SNX13: variants seen among roughly 807,000 people sequenced by gnomAD.
SNX13 encodes the protein sorting nexin-13.
SNX13 carries 45 observed loss-of-function variants against 133.6 expected under a neutral mutation model. That is an observed-to-expected ratio of 0.34 (90% confidence interval 0.27 to 0.43). The LOEUF (loss-of-function observed/expected upper bound fraction) is 0.43, where lower values mean the gene tolerates loss of function less well. Ranked by LOEUF, SNX13 falls within the 20% of genes least tolerant of loss-of-function variation. The pLI, the probability that SNX13 is intolerant of heterozygous loss-of-function variation, is 1.00. For missense variants in SNX13, 1,032 were observed against 1,145.1 expected (o/e 0.90, Z 1.43); for synonymous variants, 414 against 373.9 (o/e 1.11, Z -1.24).
In SNX13 at chr7:17,805,250, T is replaced by TGTGTGTGCGCGCGCGCGC; in HGVS notation, c.2065-1671_2065-1670insGCGCGCGCGCGCACACAC. ...GTGTGTGTGTGTGTGTGTGTGTGTG[T>TGTGTGTGCGCGCGCGCGC]GCGTGCGCGCGCGCGCATGCATGCA... On this transcript the variant is annotated intron_variant, in intron 20 of 25. Transcript: ENST00000428135. Among the ~76,000 whole-genome samples, 14 of 95,544 alleles carry TGTGTGTGCGCGCGCGCGC rather than the reference T, an allele frequency of 1.5e-4. 1 individual carries two copies. Among genetic ancestry groups the TGTGTGTGCGCGCGCGCGC allele is most frequent in the Non-Finnish European group, 2.5e-4 (10 of 39,432 alleles). The allele number at this position is 95,544 out of a possible 152,430, so 62.7% of individuals were successfully genotyped here.
chr7:17,905,725 CT>C (rs1411685328), intron 1 of SNX13, among the ~76,000 whole-genome samples: 1 of 152,202 alleles, frequency 6.6e-6, no homozygotes, highest in Non-Finnish European at 1.5e-5. Context: ...CTCTTTAAAA[CT>C]CTTGATTCAA....
At chr7:17,829,969 T>C (rs1302594611) in intron 16 of SNX13, 41 bp downstream of exon 16, 6 of 1,406,932 alleles carry the variant, frequency 4.3e-6, no homozygotes, top group South Asian at 4.1e-5. Context: ...TTTTACATTA[T>C]TTTCAAGTCA....
At chr7:17,830,701 C>CT (rs1788393163) in intron 15 of SNX13, 1 of 979,586 alleles carries the variant, frequency 1.0e-6, no homozygotes, top group South Asian at 4.7e-5. Context: ...AAACAACAAT[C>CT]TTTTCCCTTA....
intron 1 of SNX13, among the ~76,000 whole-genome samples, chr7:17,912,289 T>G (rs570593323): frequency 6.6e-6 from 1 of 152,162 alleles, no homozygotes; most frequent in East Asian, 1.9e-4. Flanking sequence ...ACCCAGGCCA[T>G]GGGAGAGCGC....
intron 1 of SNX13, among the ~76,000 whole-genome samples, chr7:17,923,712 T>C (rs951830528): frequency 1.4e-4 from 22 of 152,098 alleles, no homozygotes; most frequent in Non-Finnish European, 7.4e-5. Flanking sequence ...GTTTCTACTT[T>C]TGGGAGTCCT....
At chr7:17,935,036 C>T (rs531026026) in intron 1 of SNX13, among the ~76,000 whole-genome samples, 14 of 152,158 alleles carry the variant, frequency 9.2e-5, no homozygotes, top group East Asian at 1.9e-4. Flanking sequence ...TTCCAAAAAA[C>T]GGAACTCAAT....
At chr7:17,913,683 C>CA (rs1799239125) in intron 1 of SNX13, among the ~76,000 whole-genome samples, 1 of 148,486 alleles carries the variant, frequency 6.7e-6, no homozygotes, top group Non-Finnish European at 1.5e-5. Context: ...AAGCAACATA[C>CA]GTCAGTCATA....
chr7:17,886,299 G>C (rs887528458), intron 5 of SNX13, among the ~76,000 whole-genome samples: 3 of 152,170 alleles, frequency 2.0e-5, no homozygotes, highest in Non-Finnish European at 4.4e-5. Context: ...GGGGGGCACA[G>C]TGACTCACGC....
chr7:17,798,300 G>A (rs1784273661), intron 24 of SNX13, among the ~76,000 whole-genome samples: 1 of 151,772 alleles, frequency 6.6e-6, no homozygotes, highest in Admixed American at 6.6e-5. Context: ...CATAGCCAGA[G>A]AGACTTACTT....
intron 5 of SNX13, chr7:17,882,904 T>C (rs1213363326): frequency 2.0e-5 from 24 of 1,182,324 alleles, no homozygotes; most frequent in African/African-American, 6.4e-5. Context: ...TGAGCCGAGA[T>C]TGCGCCATTG....
chr7:17,920,660 T>G (rs1419557004), intron 1 of SNX13, among the ~76,000 whole-genome samples: 1 of 152,186 alleles, frequency 6.6e-6, no homozygotes, highest in Non-Finnish European at 1.5e-5. Flanking sequence ...AATTATAAAT[T>G]TCCAGCCCCA....
intron 2 of SNX13, among the ~76,000 whole-genome samples, chr7:17,896,221 T>C (rs921940041): frequency 3.9e-5 from 6 of 152,210 alleles, no homozygotes; most frequent in Admixed American, 1.3e-4. Context: ...ATTATCAGAC[T>C]CTTATGGCTG....
chr7:17,838,848 C>T (rs1789489376), intron 13 of SNX13, among the ~76,000 whole-genome samples: 1 of 151,476 alleles, frequency 6.6e-6, no homozygotes, highest in East Asian at 1.9e-4. Flanking sequence ...CTTTTATGGC[C>T]TTGCAAATGA....
intron 11 of SNX13, among the ~76,000 whole-genome samples, chr7:17,847,677 C>G (rs1046640342): frequency 2.0e-5 from 3 of 152,160 alleles, no homozygotes; most frequent in African/African-American, 7.2e-5. Flanking sequence ...TCCTTTAGGG[C>G]AAAACTTCTC....
rs147510609 is a variant in SNX13 at position 17,841,311 on chromosome 7, CA to C, written c.1166-1312del. Among the ~76,000 whole-genome samples the C allele has an allele frequency of 9.6e-3, 1,461 of 152,082 alleles. 9 individuals carry two copies. Among genetic ancestry groups the C allele is most frequent in the Non-Finnish European group, 0.015 (1,021 of 67,952 alleles). ...GGGAGCCATGCATTAAAAATGAGGACATTCAAAAGCAACCACATATGTGGGA... is the reference window on the plus strand; with the variant it reads ...GGGAGCCATGCATTAAAAATGAGGACTTCAAAAGCAACCACATATGTGGGA... On this transcript the variant is annotated intron_variant, in intron 12 of 25. Transcript: ENST00000428135.
chr7:17,877,549 G>C (rs1794863396), intron 5 of SNX13, among the ~76,000 whole-genome samples: 1 of 151,956 alleles, frequency 6.6e-6, no homozygotes, highest in Admixed American at 6.6e-5. Context: ...GAAGAAAGCA[G>C]AATATATAAT....
At chr7:17,821,382 G>A in intron 18 of SNX13, 127 bp downstream of exon 18, 3 of 835,074 alleles carry the variant, frequency 3.6e-6, no homozygotes, top group Non-Finnish European at 3.7e-6. Context: ...TAAGATTTAT[G>A]GTGATTATAC....
chr7:17,836,960 T>G (rs995642533), intron 13 of SNX13, among the ~76,000 whole-genome samples: 1 of 151,984 alleles, frequency 6.6e-6, no homozygotes, highest in African/African-American at 2.4e-5. Context: ...TGTTTCCTTC[T>G]CTAATACTTT....
intron 2 of SNX13, among the ~76,000 whole-genome samples, chr7:17,896,091 G>A (rs759891272): frequency 1.3e-5 from 2 of 152,124 alleles, no homozygotes; most frequent in South Asian, 4.1e-4. Flanking sequence ...CCATGCTGTC[G>A]CCTTAACTGT....
Sources: gnomAD v4.1 joint callset for allele counts (sites outside exome capture counted in the v4.1 genomes callset) on GRCh38, gnomAD v4.1.1 for gene constraint, MANE v1.5 for transcripts, NCBI Gene and HGNC (gene_info 2026-07-23, HGNC 2026-07-21) for gene names.